The following MOCOS variants were observed in gnomAD, a reference collection of about 807,000 sequenced individuals.
MOCOS encodes the protein human molybdenum cofactor sulfurase.
In MOCOS, 86 loss-of-function variants were observed where a neutral mutation model predicts 83.6. That is an observed-to-expected ratio of 1.03 (90% confidence interval 0.86 to 1.23). MOCOS has a LOEUF of 1.23. Ranked by LOEUF, MOCOS falls within the 50% of genes most tolerant of loss-of-function variation. The probability of loss-of-function intolerance (pLI) is 0.00; values close to 1 mark genes in which losing one functional copy is unlikely to be tolerated. For missense variants in MOCOS, 1,120 were observed against 1,126.9 expected (o/e 0.99, Z 0.09); for synonymous variants, 445 against 434.7 (o/e 1.02, Z -0.29).
intron 9 of MOCOS, among the ~76,000 whole-genome samples, chr18:36,239,051 TG>T (rs1473007011): frequency 1.3e-5 from 2 of 151,092 alleles, no homozygotes; most frequent in Non-Finnish European, 3.0e-5. Flanking sequence ...ATGGGTTTCC[TG>T]AATACAGCAC....
intron 13 of MOCOS, among the ~76,000 whole-genome samples, chr18:36,262,942 C>T (rs543816415): frequency 6.6e-6 from 1 of 152,076 alleles, no homozygotes; most frequent in African/African-American, 2.4e-5. Context: ...GACTTTATCT[C>T]TACAGAATAT....
chr18:36,247,806 A>G (rs755747205), intron 9 of MOCOS, among the ~76,000 whole-genome samples: 12 of 152,154 alleles, frequency 7.9e-5, no homozygotes, highest in Non-Finnish European at 1.8e-4. Flanking sequence ...GAATTCTATC[A>G]GTTTTCCTGA....
chr18:36,212,647 G>A (rs965205047), intron 6 of MOCOS, among the ~76,000 whole-genome samples: 7 of 152,180 alleles, frequency 4.6e-5, no homozygotes, highest in African/African-American at 1.4e-4. Context: ...GACTGCCGTG[G>A]TCTTGATAAG....
chr18:36,261,377 TAA>T (rs55783469), intron 13 of MOCOS, among the ~76,000 whole-genome samples: 3 of 150,436 alleles, frequency 2.0e-5, no homozygotes, highest in Non-Finnish European at 4.4e-5. Flanking sequence ...ATTCCAAAAT[TAA>T]AAAAAAAATC....
At chr18:36,249,024 A>G (rs781167162) in intron 10 of MOCOS, 24 bp downstream of exon 10, 1 of 1,603,534 alleles carries the variant, frequency 6.2e-7, no homozygotes, top group Non-Finnish European at 8.5e-7. Context: ...GCACGTGAAA[A>G]TCTCAGCTTT....
In MOCOS at chr18:36,251,209, T is replaced by A; in HGVS notation, c.2090T>A (p.Phe697Tyr). 6.2e-7 allele frequency: 1 copy of A among 1,613,918 alleles called. No homozygotes were observed. Among genetic ancestry groups the A allele is most frequent in the Non-Finnish European group, 8.5e-7 (1 of 1,179,770 alleles). Residue 697 changes from phenylalanine to tyrosine, a missense_variant, in exon 11 of 15, where the codon TTT (phenylalanine) becomes TAT (tyrosine). By Grantham distance (22) the Phe-to-Tyr change is conservative. Transcript: ENST00000261326. ...GEKISSWLST[F>Y]FGRPCHLIKQ... Reference sequence around the variant, plus strand: ...AAAATTTCAAGCTGGTTGTCAACATTTTTTGGCCGTCCTTGTCATTTGATC... The same window carrying A: ...AAAATTTCAAGCTGGTTGTCAACATATTTTGGCCGTCCTTGTCATTTGATC...
rs2091400839 is a variant in MOCOS, at chr18:36,198,864, A to G, written c.299+108A>G. ...GTTCTGAGTTGGTTTCAGGAGGATCACAGTTGGCTAAAAGGCAATGCATGT... is the reference window on the plus strand; with the variant it reads ...GTTCTGAGTTGGTTTCAGGAGGATCGCAGTTGGCTAAAAGGCAATGCATGT... On this transcript the variant is annotated intron_variant, in intron 3 of 14. Coordinates refer to ENST00000261326, the MANE Select transcript of MOCOS (RefSeq NM_017947.4). 4 of 1,195,954 alleles carry G rather than the reference A, an allele frequency of 3.3e-6. No individual in the cohort carries two copies. The East Asian group carries it at 7.3e-5, about 22-fold the overall frequency. 74.1% of individuals were successfully genotyped at this position (1,195,954 alleles called of 1,614,324 possible). A position where few individuals can be genotyped will look rare whatever the true frequency, so the allele number is the denominator to read the frequency against.
chr18:36,210,432 TAAG>T (rs990606340), intron 6 of MOCOS, among the ~76,000 whole-genome samples: 20 of 152,164 alleles, frequency 1.3e-4, no homozygotes, highest in African/African-American at 4.8e-4. Context: ...CTGACACTAC[TAAG>T]AAGCACAATA....
Position 36,237,390 on chromosome 18 carries a change from CAT to C in MOCOS, c.1961-11531_1961-11530del, listed in dbSNP as rs1033446691. Among the ~76,000 whole-genome samples, 340 of 152,240 alleles carry C rather than the reference CAT, an allele frequency of 2.2e-3. 1 individual carries two copies. Among genetic ancestry groups the C allele is most frequent in the African/African-American group, 7.0e-3 (292 of 41,518 alleles). On this transcript the variant is annotated intron_variant, in intron 9 of 14. Transcript: ENST00000261326. ...CCTTTTCTGCATCTATTGAGATAAT[CAT>C]GTGGTTTTTGTCTGTGGCTCTGTTT...
At chr18:36,208,041 T>C (rs895950498) in intron 6 of MOCOS, among the ~76,000 whole-genome samples, 1 of 152,230 alleles carries the variant, frequency 6.6e-6, no homozygotes, top group South Asian at 2.1e-4. Context: ...CACCATTTAT[T>C]GAATAGGGAG....
At chr18:36,250,894 C>G (rs1406388407) in intron 10 of MOCOS, among the ~76,000 whole-genome samples, 1 of 152,134 alleles carries the variant, frequency 6.6e-6, no homozygotes, top group African/African-American at 2.4e-5. Flanking sequence ...CTTTGTGGTT[C>G]TCTGTGTCAA....
intron 2 of MOCOS, among the ~76,000 whole-genome samples, chr18:36,195,879 G>A (rs1010948859): frequency 6.6e-6 from 1 of 152,218 alleles, no homozygotes; most frequent in Non-Finnish European, 1.5e-5. Context: ...CTGGTTCCAG[G>A]CCAGCCTGTA....
rs116060964 is a variant in MOCOS at position 36,215,171 on chromosome 18, C to G, written c.1336-345C>G. 2.5e-3 allele frequency among the ~76,000 whole-genome samples: 379 copies of G among 152,262 alleles called. 2 individuals are homozygous for G. Among genetic ancestry groups the G allele is most frequent in the African/African-American group, 8.9e-3 (369 of 41,554 alleles). On this transcript the variant is annotated intron_variant, in intron 7 of 14. Coordinates refer to ENST00000261326, the MANE Select transcript of MOCOS (RefSeq NM_017947.4). Reference sequence around the variant, plus strand: ...GCCCCGGGTAGACCTTGAGGTTGACCCCTTGGTGCTTCTGAAACCTTAGTC... The same window carrying G: ...GCCCCGGGTAGACCTTGAGGTTGACGCCTTGGTGCTTCTGAAACCTTAGTC...
chr18:36,246,406 GC>G (rs148934856), intron 9 of MOCOS, among the ~76,000 whole-genome samples: 2,670 of 152,290 alleles, frequency 0.018, 80 homozygotes, highest in African/African-American at 0.061. Flanking sequence ...TCTGGTTCTA[GC>G]CATTTAGCAG....
chr18:36,249,533 AG>A (rs1314286403), intron 10 of MOCOS, among the ~76,000 whole-genome samples: 2 of 152,274 alleles, frequency 1.3e-5, no homozygotes, highest in African/African-American at 4.8e-5. Flanking sequence ...CAGAAGGAAC[AG>A]TCTGGAGGGC....
rs923463025 is a variant in MOCOS, at chr18:36,271,488, T to A, written c.*2803T>A. On this transcript the variant is annotated 3_prime_UTR_variant, in exon 15 of 15. Coordinates refer to ENST00000261326, the MANE Select transcript of MOCOS (RefSeq NM_017947.4). ...GTAGAGTGGCTTCATATTCAGAGTTTATGGACATTTATGATTTTATGTCCC... is the reference window on the plus strand; with the variant it reads ...GTAGAGTGGCTTCATATTCAGAGTTAATGGACATTTATGATTTTATGTCCC... 5 of 152,202 alleles carry A rather than the reference T, an allele frequency of 3.3e-5. No individual in the cohort carries two copies. Among genetic ancestry groups the A allele is most frequent in the African/African-American group, 1.2e-4 (5 of 41,462 alleles). 9.4% of individuals were successfully genotyped at this position (152,202 alleles called of 1,614,324 possible). A position where few individuals can be genotyped will look rare whatever the true frequency, so the allele number is the denominator to read the frequency against.
intron 11 of MOCOS, among the ~76,000 whole-genome samples, chr18:36,254,271 A>G (rs1159113682): frequency 6.6e-6 from 1 of 152,214 alleles, no homozygotes; most frequent in Non-Finnish European, 1.5e-5. Flanking sequence ...GTTGTCATCT[A>G]AATTTTAAAA....
At chr18:36,259,556 A>ACC (rs1568069573) in intron 12 of MOCOS, among the ~76,000 whole-genome samples, 5 of 111,788 alleles carry the variant, frequency 4.5e-5, no homozygotes, top group East Asian at 3.2e-4. Context: ...TAATACCCAA[A>ACC]AAAAAAAAAA....
chr18:36,210,732 C>A (rs1477096022), intron 6 of MOCOS, among the ~76,000 whole-genome samples: 1 of 150,878 alleles, frequency 6.6e-6, no homozygotes, highest in Non-Finnish European at 1.5e-5. Flanking sequence ...ACACCTGTAA[C>A]CCCAGCTACT....
Sources: gnomAD v4.1 joint callset for allele counts (sites outside exome capture counted in the v4.1 genomes callset) on GRCh38, gnomAD v4.1.1 for gene constraint, MANE v1.5 for transcripts, NCBI Gene and HGNC (gene_info 2026-07-23, HGNC 2026-07-21) for gene names.